The following HDAC9 variants were observed in gnomAD, a reference collection of about 807,000 sequenced individuals.
HDAC9 encodes histone deacetylase 9, also known as MEF-2 interacting transcription repressor (MITR) protein.
A neutral mutation model predicts 139.4 loss-of-function variants in HDAC9; 41 were observed. The observed-to-expected ratio is 0.29, with a 90% CI of 0.23 to 0.38. The LOEUF (loss-of-function observed/expected upper bound fraction) is 0.38, where lower values mean the gene tolerates loss of function less well. HDAC9 is among the 10% of genes least tolerant of loss of function. The pLI is 1.00. For synonymous variants in HDAC9, 517 were observed against 476.2 expected (o/e 1.09, Z -1.12); for missense variants, 1,147 against 1,297.0 (o/e 0.88, Z 1.78).
chr7:18,196,422 T>C (rs1306107362), intron 2 of HDAC9, among the ~76,000 whole-genome samples: 2 of 152,006 alleles, frequency 1.3e-5, no homozygotes, highest in East Asian at 1.9e-4. Context: ...ATGGATGAGA[T>C]TGGGATGGAA....
Position 18,653,750 on chromosome 7 carries a change from T to C in HDAC9, c.1467+5067T>C, listed in dbSNP as rs77684728. 5.5e-3 allele frequency among the ~76,000 whole-genome samples: 836 copies of C among 152,324 alleles called. 7 individuals carry two copies. The highest frequency in any genetic ancestry group is 0.019 in the African/African-American group (798 of 41,588). On this transcript the variant is annotated intron_variant, in intron 11 of 25. Transcript: ENST00000686413. ...AGGCATGAATATAATTATGCTCAAA[T>C]GCTGGATCTGAGCAAATGGAGAGCT...
intron 2 of HDAC9, among the ~76,000 whole-genome samples, chr7:18,258,247 A>G (rs986384871): frequency 5.3e-5 from 8 of 152,206 alleles, no homozygotes; most frequent in Admixed American, 4.6e-4. Flanking sequence ...TTAGACATTC[A>G]GTTACTATCT....
chr7:18,753,384 T>G (rs1274991936), intron 14 of HDAC9, among the ~76,000 whole-genome samples: 1 of 151,802 alleles, frequency 6.6e-6, no homozygotes, highest in African/African-American at 2.4e-5. Context: ...CATGTGAGAG[T>G]GTGAAAAGGA....
chr7:18,174,421 T>C (rs1237186670), intron 2 of HDAC9, among the ~76,000 whole-genome samples: 1 of 152,088 alleles, frequency 6.6e-6, no homozygotes, highest in African/African-American at 2.4e-5. Context: ...GAGAAGTTTG[T>C]TATTACTGAC....
At chr7:18,423,927 A>G (rs755719044) in intron 1 of HDAC9, among the ~76,000 whole-genome samples, 5 of 152,170 alleles carry the variant, frequency 3.3e-5, no homozygotes, top group Non-Finnish European at 7.4e-5. Context: ...ATAAGGAGGG[A>G]AGGAACTGTT....
At chr7:18,782,871 C>T (rs1011460009) in intron 16 of HDAC9, among the ~76,000 whole-genome samples, 3 of 151,892 alleles carry the variant, frequency 2.0e-5, no homozygotes, top group East Asian at 1.9e-4. Context: ...TGAACTTGCC[C>T]GTGTTTGAAT....
At chr7:18,279,448 G>A (rs779387582) in intron 2 of HDAC9, among the ~76,000 whole-genome samples, 8 of 151,344 alleles carry the variant, frequency 5.3e-5, no homozygotes, top group Non-Finnish European at 8.8e-5. Flanking sequence ...TATATATCTA[G>A]TATGAATGTG....
At chr7:18,840,708 GTCTA>G (rs994264031) in intron 21 of HDAC9, among the ~76,000 whole-genome samples, 6 of 152,142 alleles carry the variant, frequency 3.9e-5, no homozygotes, top group African/African-American at 1.4e-4. Flanking sequence ...GCAGCCCAGT[GTCTA>G]TCTCTTTCTC....
intron 17 of HDAC9, among the ~76,000 whole-genome samples, chr7:18,803,988 T>A (rs1793506041): frequency 6.6e-6 from 1 of 152,106 alleles, no homozygotes; most frequent in African/African-American, 2.4e-5. Context: ...ACAGGGAAAT[T>A]AGGTTTCCTG....
intron 2 of HDAC9, among the ~76,000 whole-genome samples, chr7:18,236,481 A>G (rs1793824051): frequency 6.6e-6 from 1 of 152,174 alleles, no homozygotes; most frequent in Non-Finnish European, 1.5e-5. Flanking sequence ...GAAGTGACTC[A>G]ATTAAGTTGT....
At chr7:18,754,740 A>G (rs909830407) in intron 14 of HDAC9, among the ~76,000 whole-genome samples, 1 of 152,138 alleles carries the variant, frequency 6.6e-6, no homozygotes, top group Non-Finnish European at 1.5e-5. Flanking sequence ...GGCAGTTCCA[A>G]TGAGAAAAGT....
At chr7:18,978,650 A>C (rs1160729786) in intron 25 of HDAC9, among the ~76,000 whole-genome samples, 1 of 152,224 alleles carries the variant, frequency 6.6e-6, no homozygotes, top group Non-Finnish European at 1.5e-5. Flanking sequence ...AATTAAATAT[A>C]TACGTCTGGT....
intron 1 of HDAC9, among the ~76,000 whole-genome samples, chr7:18,415,511 T>G (rs1788969438): frequency 6.6e-6 from 1 of 152,244 alleles, no homozygotes; most frequent in African/African-American, 2.4e-5. Context: ...ACTTCATGTT[T>G]TTATAAAGAG....
intron 1 of HDAC9, among the ~76,000 whole-genome samples, chr7:18,406,293 A>T (rs566750871): frequency 6.6e-5 from 10 of 152,308 alleles, no homozygotes; most frequent in African/African-American, 2.4e-4. Flanking sequence ...TTGGTGTAAA[A>T]GTAATTGCAG....
chr7:18,389,479 T>A (rs1786257418), intron 1 of HDAC9, among the ~76,000 whole-genome samples: 1 of 152,148 alleles, frequency 6.6e-6, no homozygotes, highest in African/African-American at 2.4e-5. Flanking sequence ...GGAAACAGCA[T>A]CTGGACGAGT....
At chr7:18,471,478 A>G (rs879674293) in intron 1 of HDAC9, among the ~76,000 whole-genome samples, 4 of 152,212 alleles carry the variant, frequency 2.6e-5, no homozygotes, top group South Asian at 4.1e-4. Context: ...AGCAACATCT[A>G]TAAGTATGAA....
At chr7:18,945,320 T>C (rs777803737) in intron 23 of HDAC9, among the ~76,000 whole-genome samples, 1 of 152,238 alleles carries the variant, frequency 6.6e-6, no homozygotes, top group African/African-American at 2.4e-5. Context: ...CATTTGTACA[T>C]ACTGTTTTTG....
intron 22 of HDAC9, among the ~76,000 whole-genome samples, chr7:18,926,420 G>A (rs1183961738): frequency 1.3e-5 from 2 of 152,158 alleles, no homozygotes; most frequent in East Asian, 3.9e-4. Flanking sequence ...CCATTTTGCA[G>A]TTGGCCTTTA....
At chr7:18,339,494 A>G (rs891609186) in intron 1 of HDAC9, among the ~76,000 whole-genome samples, 1 of 151,474 alleles carries the variant, frequency 6.6e-6, no homozygotes, top group Non-Finnish European at 1.5e-5. Flanking sequence ...TTAAAAAATT[A>G]AAAAAGAATG....
Sources: gnomAD v4.1 joint callset for allele counts (sites outside exome capture counted in the v4.1 genomes callset) on GRCh38, gnomAD v4.1.1 for gene constraint, MANE v1.5 for transcripts, NCBI Gene and HGNC (gene_info 2026-07-23, HGNC 2026-07-21) for gene names.